The following DGCR2 variants were observed in gnomAD, a reference collection of about 807,000 sequenced individuals.
DGCR2 encodes integral membrane protein DGCR2/IDD.
DGCR2 carries 24 observed loss-of-function variants against 51.6 expected under a neutral mutation model. That is an observed-to-expected ratio of 0.47 (90% CI 0.34 to 0.65). The LOEUF is 0.65. Among genes scored for constraint, DGCR2 ranks in the 30% least tolerant of loss-of-function variants. The pLI, the probability that DGCR2 is intolerant of heterozygous loss-of-function variation, is 0.01. For synonymous variants in DGCR2, 340 were observed against 315.4 expected (o/e 1.08, Z -0.82); for missense variants, 765 against 772.1 (o/e 0.99, Z 0.11).
rs1472105880 is a variant in DGCR2 at position 19,068,198 on chromosome 22, T to C, written c.230A>G (p.His77Arg). Residue 77 changes from histidine (H) to arginine (R), a missense_variant, in exon 3 of 10, where the codon CAT becomes CGT. By Grantham distance (29) the His-to-Arg change is conservative. Around this residue, in one of 3 missense-constraint regions of DGCR2, gnomAD observed 370 missense variants for 325.5 expected, o/e 1.14. Coordinates refer to ENST00000263196, the MANE Select transcript of DGCR2 (RefSeq NM_005137.3). ...CCGCGGATCCACAGCCTCCTTCCCATGATGAGGACGCACCTCCCCGGTCAC... is the reference window on the plus strand; with the variant it reads ...CCGCGGATCCACAGCCTCCTTCCCACGATGAGGACGCACCTCCCCGGTCAC... ...PEVTGEVRPH[H>R]GKEAVDPRQG... is the part of the protein sequence containing the mutation. 1 of 1,609,662 alleles carries C rather than the reference T, an allele frequency of 6.2e-7. No individual in the cohort carries two copies. The highest frequency in any genetic ancestry group is 8.5e-7 in the Non-Finnish European group (1 of 1,178,228).
chr22:19,064,886 G>C lies in DGCR2; in HGVS notation c.510C>G (p.Asp170Glu). The change falls in exon 4 of 10, where the codon GAC becomes GAG. Residue 170 changes from aspartate to glutamate, a missense_variant. Asp to Glu is a conservative substitution (Grantham distance 45). Transcript: ENST00000263196. ...ELRFVLAQEW[D>E]QPERSFGWKD... ...TCCAACCAAAGCTCCGCTCGGGCTG[G>C]TCCCATTCCTGGGCCAGGACAAAGC... is the stretch of plus-strand genomic sequence containing the variant. 6.2e-7 allele frequency: 1 copy of C among 1,613,910 alleles called. No individual in the cohort carries two copies. The highest frequency in any genetic ancestry group is 8.5e-7 in the Non-Finnish European group (1 of 1,180,030).
intron 1 of DGCR2, among the ~76,000 whole-genome samples, chr22:19,118,241 G>A (rs948424476): frequency 8.6e-5 from 13 of 151,980 alleles, no homozygotes; most frequent in Admixed American, 2.6e-4. Flanking sequence ...GCATGGTGGC[G>A]TGCGCCGTAA....
At chr22:19,097,528 G>A (rs560214898) in intron 1 of DGCR2, among the ~76,000 whole-genome samples, 2 of 152,234 alleles carry the variant, frequency 1.3e-5, no homozygotes, top group Admixed American at 1.3e-4. Flanking sequence ...CTCCAGCCTG[G>A]GCGACAGAGC....
At chr22:19,113,356 G>A (rs1357029832) in intron 1 of DGCR2, among the ~76,000 whole-genome samples, 2 of 150,654 alleles carry the variant, frequency 1.3e-5, no homozygotes, top group South Asian at 2.1e-4. Flanking sequence ...GCAACAGAGC[G>A]AGACTCCGTC....
At chr22:19,089,033 A>G (rs2083048627) in intron 2 of DGCR2, among the ~76,000 whole-genome samples, 1 of 152,106 alleles carries the variant, frequency 6.6e-6, no homozygotes, top group Admixed American at 6.5e-5. Flanking sequence ...GGATGGGGAT[A>G]AGGTCAGAGA....
chr22:19,119,237 G>A (rs780216840), intron 1 of DGCR2, among the ~76,000 whole-genome samples: 7 of 152,174 alleles, frequency 4.6e-5, no homozygotes, highest in Non-Finnish European at 8.8e-5. Context: ...CCCCAGTCAC[G>A]GGTGCATGAT....
At chr22:19,107,013 T>C (rs865982106) in intron 1 of DGCR2, among the ~76,000 whole-genome samples, 2 of 152,128 alleles carry the variant, frequency 1.3e-5, no homozygotes, top group African/African-American at 2.4e-5. Context: ...GTACTTTTTT[T>C]CCCTACCAGT....
chr22:19,045,139 G>A (rs1157655351), intron 7 of DGCR2: 1 of 152,184 alleles, frequency 6.6e-6, no homozygotes, highest in East Asian at 1.9e-4. Flanking sequence ...CATACAGTAG[G>A]AGGGACAGTG....
chr22:19,062,779 A>ATTCATTCACTCTCTCTCTCTCT, intron 5 of DGCR2, among the ~76,000 whole-genome samples: 1 of 127,354 alleles, frequency 7.9e-6, no homozygotes, highest in Non-Finnish European at 1.8e-5. Context: ...ATGCATGCTC[A>ATTCATTCACTCTCTCTCTCTCT]CTCTCTCTCT....
chr22:19,041,714 C>T, intron 8 of DGCR2, 93 bp downstream of exon 8: 1 of 1,428,002 alleles, frequency 7.0e-7, no homozygotes, highest in Non-Finnish European at 9.5e-7. Context: ...CTGCCTCTGC[C>T]CCTCTCTGTC....
rs1488641368 is a variant in DGCR2, at chr22:19,038,624, G to A, written c.*241C>T. The A allele has an allele frequency of 1.7e-6, 1 of 572,276 alleles. No individual in the cohort carries two copies. Among genetic ancestry groups the A allele is most frequent in the African/African-American group, 1.9e-5 (1 of 52,414 alleles). The allele number at this position is 572,276 out of a possible 1,614,324, so 35.4% of individuals were successfully genotyped here. On this transcript the variant is annotated 3_prime_UTR_variant, in exon 10 of 10. Coordinates refer to ENST00000263196, the MANE Select transcript of DGCR2 (RefSeq NM_005137.3). ...TGTCACTCTTCTGCCATTTATAAAG[G>A]AGAAGACAGTGATCCAAAGCTATGC...
chr22:19,066,059 C>T (rs1029661130), intron 3 of DGCR2, among the ~76,000 whole-genome samples: 2 of 152,206 alleles, frequency 1.3e-5, no homozygotes, highest in Admixed American at 6.5e-5. Context: ...ATCTGCTCAC[C>T]GTGAAGGGTA....
At position 19,079,499 on chromosome 22, in the gene DGCR2, G is replaced by A. The variant is rs749933289; in HGVS notation, c.202+9869C>T. Among the ~76,000 whole-genome samples, 4 of 152,124 alleles carry A rather than the reference G, an allele frequency of 2.6e-5. 1 individual carries two copies. Among genetic ancestry groups the A allele is most frequent in the Admixed American group, 1.3e-4 (2 of 15,262 alleles). ...TTATTAATGTTTTCTATGGTGGAAC[G>A]AGAACCTGGAGCTTCCTGGACTGCC... On this transcript the variant is annotated intron_variant, in intron 2 of 9. Transcript: ENST00000263196.
At chr22:19,060,934 A>G (rs748023312) in intron 5 of DGCR2, 1 of 493,284 alleles carries the variant, frequency 2.0e-6, no homozygotes, top group Non-Finnish European at 4.1e-6. Context: ...TCTATGTACC[A>G]TGGTATCACT....
intron 1 of DGCR2, among the ~76,000 whole-genome samples, chr22:19,112,064 G>C (rs1315647704): frequency 6.6e-6 from 1 of 151,918 alleles, no homozygotes. Context: ...CCTGAGGTCA[G>C]GAGTTCAAGA....
chr22:19,068,075 C>A, intron 3 of DGCR2, 25 bp downstream of exon 3: 1 of 1,539,102 alleles, frequency 6.5e-7, no homozygotes, highest in Non-Finnish European at 8.7e-7. Context: ...CCCAGTGTCC[C>A]AGTCAGGGCA....
chr22:19,039,783 T>A (rs1439438035), intron 9 of DGCR2, among the ~76,000 whole-genome samples: 1 of 152,160 alleles, frequency 6.6e-6, no homozygotes, highest in Non-Finnish European at 1.5e-5. Context: ...GACGTGACCA[T>A]GGCTCATGAC....
At chr22:19,101,499 G>A (rs1243107396) in intron 1 of DGCR2, among the ~76,000 whole-genome samples, 2 of 152,116 alleles carry the variant, frequency 1.3e-5, no homozygotes, top group Non-Finnish European at 2.9e-5. Flanking sequence ...CCAGCACTTT[G>A]GGAGGCCGAG....
intron 1 of DGCR2, among the ~76,000 whole-genome samples, chr22:19,093,613 T>C (rs996291432): frequency 1.1e-4 from 16 of 151,932 alleles, no homozygotes; most frequent in African/African-American, 3.1e-4. Flanking sequence ...AGAGAAAACA[T>C]TTGCAAATCA....
Sources: allele counts gnomAD v4.1 joint callset (sites outside exome capture counted in the v4.1 genomes callset), GRCh38; gene constraint gnomAD v4.1.1; regional missense constraint gnomAD v4.1.1; transcripts MANE v1.5; gene names NCBI Gene and HGNC (gene_info 2026-07-23, HGNC 2026-07-21).